The following LRRC7 variants were observed in gnomAD, a reference collection of about 807,000 sequenced individuals.
The protein encoded by LRRC7 is leucine-rich repeat-containing protein 7.
In LRRC7, 23 loss-of-function variants were observed where a neutral mutation model predicts 175.7. The ratio of observed to expected loss-of-function variants is 0.13; its 90% CI spans 0.09 to 0.19. LRRC7 has a LOEUF of 0.19. Among genes scored for constraint, LRRC7 ranks in the 10% least tolerant of loss-of-function variants. LRRC7 has a pLI of 1.00. For missense variants in LRRC7, 1,354 were observed against 1,904.7 expected, an observed-to-expected ratio of 0.71 and a Z score of 5.38; for synonymous variants, 685 against 680.9, an observed-to-expected ratio of 1.01 and a Z score of -0.09.
intron 2 of LRRC7, among the ~76,000 whole-genome samples, chr1:69,722,192 AC>A (rs1218329525): frequency 1.3e-5 from 2 of 151,982 alleles, no homozygotes; most frequent in Admixed American, 6.6e-5. Context: ...ACGTTTAGAC[AC>A]TGTTCAATGA....
chr1:70,044,223 G>A (rs1660153297), intron 22 of LRRC7, 129 bp downstream of exon 22: 2 of 824,382 alleles, frequency 2.4e-6, no homozygotes, highest in South Asian at 2.3e-5. Context: ...AAAGCACAAG[G>A]GCAAGTAATG....
chr1:69,713,151 C>A (rs1056067758), intron 2 of LRRC7, among the ~76,000 whole-genome samples: 8 of 151,978 alleles, frequency 5.3e-5, no homozygotes, highest in African/African-American at 1.9e-4. Context: ...ATAATAATAA[C>A]AAATACCCTT....
At chr1:70,053,948 A>G (rs941819586) in intron 23 of LRRC7, among the ~76,000 whole-genome samples, 14 of 152,168 alleles carry the variant, frequency 9.2e-5, no homozygotes, top group African/African-American at 3.4e-4. Flanking sequence ...CATTTACTAG[A>G]CTGGCAAAAA....
intron 1 of LRRC7, among the ~76,000 whole-genome samples, chr1:69,569,710 G>T (rs1570215111): frequency 1.3e-5 from 2 of 152,024 alleles, no homozygotes; most frequent in African/African-American, 4.8e-5. Context: ...TAAAGGACCC[G>T]CCTCCGCCCT....
chr1:69,819,888 T>A (rs1679065977), intron 4 of LRRC7, among the ~76,000 whole-genome samples: 1 of 152,138 alleles, frequency 6.6e-6, no homozygotes, highest in Non-Finnish European at 1.5e-5. Flanking sequence ...TGGTTTATAT[T>A]TGCATGAAAT....
At chr1:69,880,617 C>A (rs1346492912) in intron 7 of LRRC7, among the ~76,000 whole-genome samples, 2 of 151,922 alleles carry the variant, frequency 1.3e-5, no homozygotes, top group East Asian at 3.9e-4. Context: ...ATACGAAGGA[C>A]AGGGAGACCA....
At chr1:69,962,359 G>T (rs144230727) in intron 8 of LRRC7, among the ~76,000 whole-genome samples, 1,595 of 152,276 alleles carry the variant, frequency 0.01, 19 homozygotes, top group South Asian at 0.039. Flanking sequence ...TGGAGAAAAA[G>T]GATCACTTAT....
Position 70,144,049 on chromosome 1 carries a change from A to G in LRRC7, c.*22162A>G, listed in dbSNP as rs1178183267. The G allele has an allele frequency of 6.6e-6, 1 of 152,202 alleles. No individual in the cohort carries two copies. Among genetic ancestry groups the G allele is most frequent in the Non-Finnish European group, 1.5e-5 (1 of 68,034 alleles). The allele number at this position is 152,202 out of a possible 1,614,324, so 9.4% of individuals were successfully genotyped here. On this transcript the variant is annotated 3_prime_UTR_variant, in exon 27 of 27. Transcript: ENST00000651989. The stretch of plus-strand genomic sequence containing the variant: ...TTCATTTTATGTGCAAAGAAGTCCT[A>G]TGAATCTATATTTTAAATTTACTGA...
intron 8 of LRRC7, among the ~76,000 whole-genome samples, 165 bp from the exon 9 acceptor site, chr1:69,980,214 T>A (rs1028649569): frequency 6.6e-6 from 1 of 152,194 alleles, no homozygotes; most frequent in African/African-American, 2.4e-5. Flanking sequence ...TGTCAGGGAA[T>A]ACCAGTTTTC....
At chr1:69,857,283 G>T (rs1215888233) in intron 7 of LRRC7, among the ~76,000 whole-genome samples, 1 of 152,068 alleles carries the variant, frequency 6.6e-6, no homozygotes, top group Non-Finnish European at 1.5e-5. Flanking sequence ...GCAGGAGAAA[G>T]AAATAAAGGG....
intron 11 of LRRC7, among the ~76,000 whole-genome samples, chr1:70,008,162 A>G (rs1286563993): frequency 2.0e-5 from 3 of 152,180 alleles, no homozygotes; most frequent in Non-Finnish European, 4.4e-5. Flanking sequence ...GAGGGCAGGA[A>G]GCATCCAGCA....
At chr1:69,881,979 A>T (rs1209125914) in intron 7 of LRRC7, among the ~76,000 whole-genome samples, 2 of 151,144 alleles carry the variant, frequency 1.3e-5, no homozygotes, top group Non-Finnish European at 2.9e-5. Flanking sequence ...AATATCCAAA[A>T]TATATTTTAA....
intron 1 of LRRC7, among the ~76,000 whole-genome samples, chr1:69,580,018 C>T (rs191899633): frequency 6.6e-6 from 1 of 152,162 alleles, no homozygotes; most frequent in Non-Finnish European, 1.5e-5. Flanking sequence ...GATAGAGCCT[C>T]CATCGTCCTG....
intron 8 of LRRC7, among the ~76,000 whole-genome samples, chr1:69,955,834 T>C (rs1252590272): frequency 6.6e-6 from 1 of 151,926 alleles, no homozygotes; most frequent in Admixed American, 6.6e-5. Context: ...AATATTATAA[T>C]TTTACTAAAT....
rs182058215 is a variant in LRRC7 at position 70,135,337 on chromosome 1, A to T, written c.*13450A>T. On this transcript the variant is annotated 3_prime_UTR_variant, in exon 27 of 27. Coordinates refer to ENST00000651989, the MANE Select transcript of LRRC7 (RefSeq NM_001370785.2). The stretch of plus-strand genomic sequence containing the variant: ...GCTTATTCTTTTCACTTTTTTACCC[A>T]TCTCCGTGCCATACTGTAGAACAAA... Among the ~76,000 whole-genome samples the T allele has an allele frequency of 9.7e-4, 148 of 152,102 alleles. No homozygotes were observed. The highest frequency in any genetic ancestry group is 3.3e-3 in the African/African-American group (138 of 41,510).
chr1:69,998,281 C>T (rs1557972621), intron 11 of LRRC7, among the ~76,000 whole-genome samples: 4 of 152,138 alleles, frequency 2.6e-5, no homozygotes, highest in Non-Finnish European at 4.4e-5. Flanking sequence ...CCCAGTCCTT[C>T]TCCCCATCAC....
chr1:69,858,299 G>GA (rs1197284447), intron 7 of LRRC7, among the ~76,000 whole-genome samples: 21 of 152,186 alleles, frequency 1.4e-4, no homozygotes, highest in African/African-American at 4.6e-4. Flanking sequence ...CACAGCAAAA[G>GA]AAACTATCAT....
At chr1:70,052,373 A>C (rs1289255599) in intron 22 of LRRC7, among the ~76,000 whole-genome samples, 2 of 152,026 alleles carry the variant, frequency 1.3e-5, no homozygotes, top group Non-Finnish European at 2.9e-5. Flanking sequence ...ATTTTAATAT[A>C]TATCATTTAT....
At chr1:69,721,822 G>A (rs1186105520) in intron 2 of LRRC7, among the ~76,000 whole-genome samples, 1 of 151,694 alleles carries the variant, frequency 6.6e-6, no homozygotes, top group African/African-American at 2.4e-5. Flanking sequence ...AGTACTTTAA[G>A]AAAATTATTA....
Sources: allele counts gnomAD v4.1 joint callset (sites outside exome capture counted in the v4.1 genomes callset), GRCh38; gene constraint gnomAD v4.1.1; transcripts MANE v1.5; gene names NCBI Gene and HGNC (gene_info 2026-07-23, HGNC 2026-07-21).